Variants in TM9SF3 observed in about 807,000 individuals in gnomAD.
TM9SF3 encodes the protein SM-11044-binding protein.
In TM9SF3, 14 loss-of-function variants were observed where a neutral mutation model predicts 78.6. The observed-to-expected ratio is 0.18, with a 90% CI of 0.12 to 0.28. The LOEUF is 0.28. Among genes scored for constraint, TM9SF3 ranks in the 10% least tolerant of loss-of-function variants. TM9SF3 has a pLI of 1.00. For missense variants in TM9SF3, 496 were observed against 721.9 expected (o/e 0.69, Z 3.59); for synonymous variants, 231 against 241.7 (o/e 0.96, Z 0.41).
intron 5 of TM9SF3, among the ~76,000 whole-genome samples, chr10:96,556,954 C>T (rs1034138106): frequency 3.9e-5 from 6 of 152,126 alleles, no homozygotes; most frequent in African/African-American, 1.4e-4. Context: ...CCATGATACA[C>T]TTTCTTCTCT....
intron 2 of TM9SF3, among the ~76,000 whole-genome samples, chr10:96,575,816 A>T (rs1848490401): frequency 6.6e-6 from 1 of 152,140 alleles, no homozygotes; most frequent in South Asian, 2.1e-4. Context: ...CTAATCAAAG[A>T]TCCTGCAAAA....
At chr10:96,560,837 GA>G (rs1416350056) in intron 4 of TM9SF3, 10 of 536,474 alleles carry the variant, frequency 1.9e-5, no homozygotes, top group East Asian at 4.7e-5. Flanking sequence ...TCAAAAACAG[GA>G]AAAAAAATTC....
At chr10:96,583,085 AAAAAAAAAG>A (rs1228846107) in intron 1 of TM9SF3, among the ~76,000 whole-genome samples, 17 of 151,746 alleles carry the variant, frequency 1.1e-4, no homozygotes, top group East Asian at 3.9e-4. Context: ...AGTCTCAAAA[AAAAAAAAAG>A]AAAAAAAAGA....
intron 4 of TM9SF3, chr10:96,560,065 A>G (rs1848286079): frequency 3.4e-6 from 2 of 580,182 alleles, no homozygotes; most frequent in Non-Finnish European, 6.2e-6. Flanking sequence ...GTCTAAATCA[A>G]TTAAAATAAG....
intron 9 of TM9SF3, among the ~76,000 whole-genome samples, chr10:96,541,028 T>C (rs1848024041): frequency 6.6e-6 from 1 of 151,628 alleles, no homozygotes; most frequent in African/African-American, 2.4e-5. Context: ...CCTCCCGAAG[T>C]GCTGGGATTA....
intron 10 of TM9SF3, among the ~76,000 whole-genome samples, chr10:96,530,940 T>C (rs111929546): frequency 3.3e-5 from 5 of 152,316 alleles, no homozygotes; most frequent in African/African-American, 1.2e-4. Context: ...TCTACAGGCA[T>C]TTATTCACAA....
At chr10:96,541,695 T>C (rs944847827) in intron 9 of TM9SF3, among the ~76,000 whole-genome samples, 1 of 152,206 alleles carries the variant, frequency 6.6e-6, no homozygotes, top group African/African-American at 2.4e-5. Flanking sequence ...GTGGAAACTT[T>C]CATAGAACAG....
intron 1 of TM9SF3, among the ~76,000 whole-genome samples, chr10:96,586,494 G>A (rs1193529069): frequency 1.3e-5 from 2 of 152,050 alleles, no homozygotes; most frequent in African/African-American, 2.4e-5. Context: ...CGGCGCCACT[G>A]AGGCCCAGAC....
At chr10:96,570,451 T>TA (rs1233725454) in intron 2 of TM9SF3, among the ~76,000 whole-genome samples, 1 of 152,060 alleles carries the variant, frequency 6.6e-6, no homozygotes, top group African/African-American at 2.4e-5. Context: ...TATATTCCTT[T>TA]AAAAAACAAA....
chr10:96,536,157 C>T (rs1847956468), intron 9 of TM9SF3, among the ~76,000 whole-genome samples: 1 of 150,748 alleles, frequency 6.6e-6, no homozygotes, highest in Admixed American at 6.6e-5. Flanking sequence ...TAGAAGGGAA[C>T]TTTAACAAGC....
intron 14 of TM9SF3, among the ~76,000 whole-genome samples, chr10:96,524,339 G>T (rs1454024892): frequency 6.6e-6 from 1 of 151,700 alleles, no homozygotes; most frequent in Non-Finnish European, 1.5e-5. Context: ...CAGGATAAGA[G>T]AAAAATCATT....
chr10:96,544,353 C>T (rs1848072557), intron 8 of TM9SF3, 147 bp from the exon 9 acceptor site: 6 of 717,856 alleles, frequency 8.4e-6, no homozygotes, highest in South Asian at 2.4e-5. Context: ...TTTCCAAGTA[C>T]GTATAGTGAA....
chr10:96,543,758 T>A (rs1035797312), intron 9 of TM9SF3: 1 of 163,736 alleles, frequency 6.1e-6, no homozygotes, highest in African/African-American at 2.4e-5. Flanking sequence ...GTGATTGTCA[T>A]GATTCTTTCT....
Position 96,569,005 on chromosome 10 carries a change from T to C in TM9SF3, c.299-3579A>G, listed in dbSNP as rs547157503. 3.3e-5 allele frequency among the ~76,000 whole-genome samples: 5 copies of C among 152,164 alleles called. No homozygotes were observed. The South Asian group carries it at 8.3e-4, about 25-fold the overall frequency. Reference sequence around the variant, plus strand: ...GAGTTCGAGACCAGCCTGAGCAACATGTCAAAACCTCATCTTTACAAAAAC... The same window carrying C: ...GAGTTCGAGACCAGCCTGAGCAACACGTCAAAACCTCATCTTTACAAAAAC... On this transcript the variant is annotated intron_variant, in intron 2 of 14. Transcript: ENST00000371142.
At chr10:96,557,518 T>A (rs768402547) in intron 5 of TM9SF3, among the ~76,000 whole-genome samples, 1 of 99,262 alleles carries the variant, frequency 1.0e-5, no homozygotes, top group Non-Finnish European at 2.1e-5. Flanking sequence ...AAAAGTCAGA[T>A]TTGTTACCCC....
Position 96,585,465 on chromosome 10 carries a change from A to G in TM9SF3, c.102+1269T>C, listed in dbSNP as rs1365316526. 3.3e-5 allele frequency among the ~76,000 whole-genome samples: 5 copies of G among 152,364 alleles called. No homozygotes were observed. The East Asian group carries it at 9.6e-4, about 29-fold the overall frequency. Reference sequence around the variant, plus strand: ...CCAACAAAATTATCTTAGGTGAAACACCACAAGTACAGTACAAAAACATGT... The same window carrying G: ...CCAACAAAATTATCTTAGGTGAAACGCCACAAGTACAGTACAAAAACATGT... On this transcript the variant is annotated intron_variant, in intron 1 of 14. Coordinates refer to ENST00000371142, the MANE Select transcript of TM9SF3 (RefSeq NM_020123.4).
chr10:96,586,044 T>C (rs993503898), intron 1 of TM9SF3, among the ~76,000 whole-genome samples: 1 of 152,210 alleles, frequency 6.6e-6, no homozygotes, highest in African/African-American at 2.4e-5. Flanking sequence ...TGTCAGAAGC[T>C]GCCTTAGTTA....
intron 7 of TM9SF3, among the ~76,000 whole-genome samples, chr10:96,550,696 G>A (rs1848158794): frequency 6.6e-6 from 1 of 152,082 alleles, no homozygotes; most frequent in African/African-American, 2.4e-5. Flanking sequence ...TGTTTGCAAA[G>A]AAAGAATTAC....
intron 9 of TM9SF3, among the ~76,000 whole-genome samples, chr10:96,543,362 T>C (rs1470069883): frequency 3.7e-5 from 3 of 81,174 alleles, no homozygotes; most frequent in African/African-American, 1.5e-4. Context: ...TGAGATGGAG[T>C]CTGGCTCTGT....
Sources: allele counts gnomAD v4.1 joint callset (sites outside exome capture counted in the v4.1 genomes callset), GRCh38; gene constraint gnomAD v4.1.1; transcripts MANE v1.5; gene names NCBI Gene and HGNC (gene_info 2026-07-23, HGNC 2026-07-21).